C12orf43: variants seen among roughly 807,000 people sequenced by gnomAD.
C12orf43 encodes chromosome 12 open reading frame 43, also known as protein CUSTOS.
Under a neutral mutation model 20.6 loss-of-function variants are expected in C12orf43, and 15 were observed. The observed-to-expected ratio is 0.73, with a 90% CI of 0.49 to 1.12. C12orf43 has a LOEUF of 1.12. Ranked by LOEUF, C12orf43 falls within the 50% of genes most tolerant of loss-of-function variation. The pLI is 0.00. For synonymous variants in C12orf43, 144 were observed against 130.8 expected, an observed-to-expected ratio of 1.10 and a Z score of -0.69; for missense variants, 334 against 344.4, an observed-to-expected ratio of 0.97 and a Z score of 0.24.
At chr12:121,006,935 T>A (rs1425101937) in intron 3 of C12orf43, 1 of 154,170 alleles carries the variant, frequency 6.5e-6, no homozygotes. Flanking sequence ...AGACTCCATC[T>A]CCAAAAAAAG....
chr12:121,012,488 C>G (rs1868465233), intron 1 of C12orf43: 1 of 702,472 alleles, frequency 1.4e-6, no homozygotes, highest in Non-Finnish European at 2.6e-6. Context: ...GGGGCAAAGG[C>G]AGGAACACGG....
chr12:121,006,697 G>A (rs1441048195), intron 3 of C12orf43: 1 of 297,760 alleles, frequency 3.4e-6, no homozygotes, highest in Non-Finnish European at 6.5e-6. Context: ...TAGCACTTTG[G>A]GAGGCCAAGG....
At chr12:121,016,275 C>A (rs779047303) in intron 1 of C12orf43, 55 bp downstream of exon 1, 2 of 1,609,918 alleles carry the variant, frequency 1.2e-6, no homozygotes, top group Non-Finnish European at 1.7e-6. Context: ...TCCTCTCAGG[C>A]TCCAGGGGAA....
intron 4 of C12orf43, 149 bp downstream of exon 4, chr12:121,006,172 C>T: frequency 1.5e-6 from 1 of 658,608 alleles, no homozygotes; most frequent in Non-Finnish European, 2.6e-6. Context: ...GCTATAATTG[C>T]TCCACTGCAC....
At chr12:121,006,580 G>C (rs192061317) in intron 3 of C12orf43, 186 bp from the exon 4 acceptor site, 2 of 586,392 alleles carry the variant, frequency 3.4e-6, no homozygotes, top group African/African-American at 3.7e-5. Flanking sequence ...GCGAACTGCA[G>C]TGCTTCATTT....
intron 4 of C12orf43, 79 bp downstream of exon 4, chr12:121,006,242 A>C: frequency 7.9e-7 from 1 of 1,265,700 alleles, no homozygotes; most frequent in Non-Finnish European, 1.1e-6. Context: ...AAAAGAATAT[A>C]CCAAAACTGT....
chr12:121,001,076 A>G lies in C12orf43; in HGVS notation c.*3077T>C, dbSNP rs751112023. On this transcript the variant is annotated 3_prime_UTR_variant, in exon 6 of 6. Transcript: ENST00000288757. ...GTTTGCCTCTGCAGTGTCCTCCAGC[A>G]GCCTGGTGCTGTACCAGAGCTCAGA... 1.1e-5 allele frequency: 18 copies of G among 1,613,444 alleles called. No homozygotes were observed. In the Admixed American group the frequency reaches 3.0e-4, roughly 27 times the overall value.
chr12:121,007,460 C>T (rs1328906999), intron 3 of C12orf43, among the ~76,000 whole-genome samples: 3 of 152,074 alleles, frequency 2.0e-5, no homozygotes, highest in Non-Finnish European at 2.9e-5. Flanking sequence ...GCAGTGGGAA[C>T]GATGAAGGTC....
rs577330394 is a variant in C12orf43 at position 121,001,066 on chromosome 12, G to A, written c.*3087C>T. The A allele has an allele frequency of 1.9e-6, 3 of 1,613,282 alleles. No individual in the cohort carries two copies. The Admixed American group carries it at 5.0e-5, about 27-fold the overall frequency. ...TAGCAGCCTTGTTTGCCTCTGCAGT[G>A]TCCTCCAGCAGCCTGGTGCTGTACC... On this transcript the variant is annotated 3_prime_UTR_variant, in exon 6 of 6. Transcript: ENST00000288757.
intron 1 of C12orf43, among the ~76,000 whole-genome samples, 189 bp from the exon 2 acceptor site, chr12:121,011,335 A>G (rs137863309): frequency 2.0e-5 from 3 of 148,620 alleles, no homozygotes; most frequent in African/African-American, 4.9e-5. Flanking sequence ...AAATAGTTAC[A>G]TATAATTTAG....
Position 121,004,954 on chromosome 12 carries a change from A to G in C12orf43, c.452+49T>C. The G allele has an allele frequency of 7.3e-7, 1 of 1,364,434 alleles. No individual in the cohort carries two copies. Among genetic ancestry groups the G allele is most frequent in the Non-Finnish European group, 9.8e-7 (1 of 1,020,818 alleles). The allele number at this position is 1,364,434 out of a possible 1,614,324, so 84.5% of individuals were successfully genotyped here. ...GCTATTCCAGGGAACCCACCAAGAC[A>G]GAAGAGGAGAAAAAAGGAGGGGACG... On this transcript the variant is annotated intron_variant, in intron 5 of 5. Coordinates refer to ENST00000288757, the MANE Select transcript of C12orf43 (RefSeq NM_022895.3). The surrounding 1 kb of genome is among the most constrained non-coding windows in gnomAD (Gnocchi z 5.6).
intron 1 of C12orf43, among the ~76,000 whole-genome samples, chr12:121,011,622 A>C (rs924201161): frequency 6.6e-6 from 1 of 152,316 alleles, no homozygotes; most frequent in Middle Eastern, 3.4e-3. Flanking sequence ...AAAGATATGT[A>C]AAATAACTTG....
chr12:121,016,454 T>C lies in C12orf43; in HGVS notation c.21A>G (p.Thr7=), dbSNP rs2258227. The C allele has an allele frequency of 3.1e-6, 5 of 1,613,884 alleles. No homozygotes were observed. Among genetic ancestry groups the C allele is most frequent in the Admixed American group, 1.7e-5 (1 of 60,006 alleles). The change falls in exon 1 of 6, where the codon ACA becomes ACG. Residue 7 remains threonine (T), a synonymous_variant. Transcript: ENST00000288757. MAAPSG[T]VSDSESSNSS... ...TGTTACTACTTTCCGAATCGCTCAC[T>C]GTGCCACTGGGCGCCGCCATCTTGA...
At chr12:121,016,288 T>A in intron 1 of C12orf43, 42 bp downstream of exon 1, 1 of 1,611,548 alleles carries the variant, frequency 6.2e-7, no homozygotes, top group African/African-American at 1.3e-5. Context: ...CAGGGGAAGA[T>A]CCCACGCCCC....
At chr12:121,006,153 C>G in intron 4 of C12orf43, 168 bp downstream of exon 4, 1 of 591,960 alleles carries the variant, frequency 1.7e-6, no homozygotes, top group Non-Finnish European at 2.9e-6. Context: ...GAGGTTGAGG[C>G]TGCATTGAGC....
intron 1 of C12orf43, among the ~76,000 whole-genome samples, chr12:121,015,518 A>C (rs547394011): frequency 1.3e-4 from 20 of 152,390 alleles, no homozygotes; most frequent in Non-Finnish European, 2.6e-4. Context: ...ACCGAAATTT[A>C]ATTATCATGA....
At chr12:121,007,216 T>C (rs1312081945) in intron 3 of C12orf43, 1 of 152,150 alleles carries the variant, frequency 6.6e-6, no homozygotes, top group Non-Finnish European at 1.5e-5. Flanking sequence ...ATTGTAGACA[T>C]GCAGTAGCAA....
chr12:121,011,115 T>A lies in C12orf43; in HGVS notation c.177A>T (p.Gln59His), dbSNP rs112728225. The A allele has an allele frequency of 4.4e-3, 7,071 of 1,613,914 alleles. 28 individuals are homozygous for A. The highest frequency in any genetic ancestry group is 7.1e-3 in the Middle Eastern group (43 of 6,062). ...AAAGTGCATAGTACCTGAGGCTCGGTTGGGAGGTTGACAACTGGCTATTTG... is the reference window on the plus strand; with the variant it reads ...AAAGTGCATAGTACCTGAGGCTCGGATGGGAGGTTGACAACTGGCTATTTG... ...GAANSQLSTS[Q>H]PSLRHKVNEH... is the part of the protein sequence containing the mutation. The change falls in exon 2 of 6, where the codon CAA becomes CAT. Residue 59 changes from glutamine to histidine, a missense_variant. Gln to His is a conservative substitution (Grantham distance 24, BLOSUM62 0). Coordinates refer to ENST00000288757, the MANE Select transcript of C12orf43 (RefSeq NM_022895.3).
At position 121,016,437 on chromosome 12, in the gene C12orf43, C is replaced by A; in HGVS notation, c.38G>T (p.Ser13Ile). The change falls in exon 1 of 6, where the codon AGT becomes ATT. Residue 13 changes from serine (S) to isoleucine (I), a missense_variant. Transcript: ENST00000288757. ...CTCCGCATCGCTACTGCTGTTACTA[C>A]TTTCCGAATCGCTCACTGTGCCACT... is the stretch of plus-strand genomic sequence containing the variant. ...APSGTVSDSE[S>I]SNSSSDAEEL... 6.2e-7 allele frequency: 1 copy of A among 1,614,114 alleles called. No individual in the cohort carries two copies.
Sources: gnomAD v4.1 joint callset for allele counts (sites outside exome capture counted in the v4.1 genomes callset) on GRCh38, gnomAD v4.1.1 for gene constraint, Gnocchi (gnomAD v3.1) non-coding constraint, MANE v1.5 for transcripts, NCBI Gene and HGNC (gene_info 2026-07-23, HGNC 2026-07-21) for gene names.